GALNT13: variants seen among roughly 807,000 people sequenced by gnomAD.
The protein encoded by GALNT13 is polypeptide N-acetylgalactosaminyltransferase 13, also known as UDP-GalNAc:polypeptide N-acetylgalactosaminyltransferase 13.
Under a neutral mutation model 64.2 loss-of-function variants are expected in GALNT13, and 28 were observed. The ratio of observed to expected loss-of-function variants is 0.44; its 90% confidence interval spans 0.32 to 0.60. The LOEUF (loss-of-function observed/expected upper bound fraction) is 0.60. GALNT13 is among the 20% of genes least tolerant of loss of function. The pLI is 0.05. For synonymous variants in GALNT13, 214 were observed against 224.6 expected, an observed-to-expected ratio of 0.95 and a Z score of 0.42; for missense variants, 577 against 669.8, an observed-to-expected ratio of 0.86 and a Z score of 1.53.
chr2:153,488,938 A>G, the GALNT13 span, among the ~76,000 whole-genome samples: 1 of 152,214 alleles, frequency 6.6e-6, no homozygotes, highest in Admixed American at 6.5e-5. Flanking sequence ...GTGAGGACAT[A>G]GCAAGCATAT....
intron 3 of GALNT13, among the ~76,000 whole-genome samples, chr2:154,138,280 T>C (rs1028656267): frequency 4.6e-5 from 7 of 152,094 alleles, no homozygotes; most frequent in African/African-American, 1.7e-4. Context: ...CACATAAAAA[T>C]ACATTTGTAT....
intron 9 of GALNT13, among the ~76,000 whole-genome samples, chr2:154,364,663 T>C (rs560952139): frequency 6.7e-6 from 1 of 150,102 alleles, no homozygotes; most frequent in African/African-American, 2.5e-5. Context: ...TTGTTTTGTT[T>C]TGTTTTGTTT....
At chr2:153,678,523 A>T in the GALNT13 span, among the ~76,000 whole-genome samples, 1 of 152,034 alleles carries the variant, frequency 6.6e-6, no homozygotes, top group Non-Finnish European at 1.5e-5. Context: ...ATGGGGGCCT[A>T]CTTGAAGGTG....
chr2:153,114,748 C>A, the GALNT13 span, among the ~76,000 whole-genome samples: 1 of 152,058 alleles, frequency 6.6e-6, no homozygotes, highest in Non-Finnish European at 1.5e-5. Context: ...ATTGATTTGT[C>A]AATGAGCTTA....
At chr2:153,208,973 C>CTTTTTGTTTTTTTTTTTTTT in the GALNT13 span, among the ~76,000 whole-genome samples, 1 of 74,682 alleles carries the variant, frequency 1.3e-5, no homozygotes, top group Non-Finnish European at 2.4e-5. Context: ...TGGTTTTGGT[C>CTTTTTGTTTTTTTTTTTTTT]TTTTTTTTTT....
At chr2:154,204,022 A>G (rs1284752030) in intron 4 of GALNT13, among the ~76,000 whole-genome samples, 1 of 152,062 alleles carries the variant, frequency 6.6e-6, no homozygotes, top group Non-Finnish European at 1.5e-5. Flanking sequence ...CTTTAACTAT[A>G]TCTCTGGTTT....
the GALNT13 span, among the ~76,000 whole-genome samples, chr2:153,177,336 G>A: frequency 6.6e-6 from 1 of 151,936 alleles, no homozygotes; most frequent in Non-Finnish European, 1.5e-5. Context: ...CTAATTAGAG[G>A]ATATAAAATA....
At chr2:153,584,198 C>T in the GALNT13 span, among the ~76,000 whole-genome samples, 2 of 152,172 alleles carry the variant, frequency 1.3e-5, no homozygotes, top group Non-Finnish European at 2.9e-5. Flanking sequence ...CCAAGCATTT[C>T]ACCAGGGGCC....
the GALNT13 span, among the ~76,000 whole-genome samples, chr2:153,484,964 T>A: frequency 2.0e-5 from 3 of 152,346 alleles, no homozygotes; most frequent in East Asian, 5.8e-4. Flanking sequence ...AAACTTGTGT[T>A]TTTACTGCAT....
intron 2 of GALNT13, among the ~76,000 whole-genome samples, chr2:153,941,883 T>G (rs545517384): frequency 5.9e-5 from 9 of 152,270 alleles, no homozygotes; most frequent in African/African-American, 2.2e-4. Flanking sequence ...CATGATATAG[T>G]TAGAATTCTT....
chr2:153,948,184 G>A (rs10931844), intron 3 of GALNT13, among the ~76,000 whole-genome samples: 117,301 of 151,606 alleles, frequency 0.77, 45,800 homozygotes, highest in East Asian at 0.96. Flanking sequence ...TTTCATATGA[G>A]TTTTAAAATA....
rs1699039769 is a variant in GALNT13, at chr2:154,396,069, G to C, written c.1235G>C (p.Trp412Ser). ...AATCTGAAGTGTAAGCCCTTTTCTT[G>C]GTACCTAGAAAACATCTATCCGGAC... is the stretch of plus-strand genomic sequence containing the variant. ...RENLKCKPFSWYLENIYPDSQ... is the reference protein window; with the variant it reads ...RENLKCKPFSSYLENIYPDSQ... The change falls in exon 10 of 13, where the codon TGG (tryptophan) becomes TCG (serine). Residue 412 changes from tryptophan (W) to serine (S), a missense_variant. Around this residue, in one of 3 missense-constraint regions of GALNT13, gnomAD observed 232 missense variants for 270.6 expected, o/e 0.86. Coordinates refer to ENST00000392825, the MANE Select transcript of GALNT13 (RefSeq NM_052917.4). 6.2e-7 allele frequency: 1 copy of C among 1,610,912 alleles called. No homozygotes were observed. Among genetic ancestry groups the C allele is most frequent in the Non-Finnish European group, 8.5e-7 (1 of 1,178,278 alleles).
At chr2:153,950,413 A>G (rs996551078) in intron 3 of GALNT13, among the ~76,000 whole-genome samples, 8 of 152,118 alleles carry the variant, frequency 5.3e-5, no homozygotes, top group African/African-American at 1.9e-4. Context: ...CTACAGTGAT[A>G]TATCACTTAT....
chr2:153,584,846 A>C, the GALNT13 span, among the ~76,000 whole-genome samples: 2 of 152,318 alleles, frequency 1.3e-5, no homozygotes, highest in East Asian at 3.9e-4. Context: ...TATAGCTAAA[A>C]AAAATTGTAG....
At chr2:153,963,869 C>T (rs1693132256) in intron 3 of GALNT13, among the ~76,000 whole-genome samples, 1 of 151,232 alleles carries the variant, frequency 6.6e-6, no homozygotes, top group South Asian at 2.1e-4. Flanking sequence ...TTTTACTTTT[C>T]TAAATGAGGT....
chr2:153,682,571 G>A, the GALNT13 span, among the ~76,000 whole-genome samples: 5 of 151,674 alleles, frequency 3.3e-5, no homozygotes, highest in Non-Finnish European at 7.4e-5. Flanking sequence ...AACAGATAAT[G>A]TAGTTCCTTG....
the GALNT13 span, among the ~76,000 whole-genome samples, chr2:153,615,788 G>A: frequency 2.0e-5 from 3 of 151,910 alleles, no homozygotes; most frequent in African/African-American, 7.2e-5. Context: ...CAGATTATTA[G>A]ATTTTTTTCT....
chr2:154,300,218 T>C lies in GALNT13; in HGVS notation c.976-1191T>C, dbSNP rs1217213159. 2.0e-5 allele frequency among the ~76,000 whole-genome samples: 3 copies of C among 149,098 alleles called. No individual in the cohort carries two copies. In the Admixed American group the frequency reaches 2.0e-4, roughly 10 times the overall value. On this transcript the variant is annotated intron_variant, in intron 8 of 12. Coordinates refer to ENST00000392825, the MANE Select transcript of GALNT13 (RefSeq NM_052917.4). ...CCCGAGTTCAAGCGATTCTCTTGCC[T>C]CAGCCTCCTGAGTAGCTGGGACTAC...
chr2:153,811,417 A>T, the GALNT13 span, among the ~76,000 whole-genome samples: 1 of 152,214 alleles, frequency 6.6e-6, no homozygotes, highest in Admixed American at 6.5e-5. Context: ...AACTGAATCA[A>T]ATTTAAAGTG....
Sources: gnomAD v4.1 joint callset for allele counts (sites outside exome capture counted in the v4.1 genomes callset) on GRCh38, gnomAD v4.1.1 for gene constraint, gnomAD v4.1.1 regional missense constraint, MANE v1.5 for transcripts, NCBI Gene and HGNC (gene_info 2026-07-23, HGNC 2026-07-21) for gene names.